Variants in PTPRO observed in about 807,000 individuals in gnomAD.
PTPRO encodes protein tyrosine phosphatase receptor type O.
In PTPRO, 62 loss-of-function variants were observed where a neutral mutation model predicts 145.2. The ratio of observed to expected loss-of-function variants is 0.43; its 90% CI spans 0.35 to 0.53. PTPRO has a LOEUF of 0.53. Ranked by LOEUF, PTPRO falls within the 20% of genes least tolerant of loss-of-function variation. The pLI, the probability that PTPRO is intolerant of heterozygous loss-of-function variation, is 0.01. For synonymous variants in PTPRO, 565 were observed against 514.7 expected, an observed-to-expected ratio of 1.10 and a Z score of -1.32; for missense variants, 1,345 against 1,482.7, an observed-to-expected ratio of 0.91 and a Z score of 1.53.
intron 12 of PTPRO, among the ~76,000 whole-genome samples, chr12:15,527,382 G>A (rs1040191242): frequency 1.3e-5 from 2 of 152,178 alleles, no homozygotes; most frequent in Non-Finnish European, 2.9e-5. Flanking sequence ...GGGCTCCCTG[G>A]CAGGAAATCT....
intron 12 of PTPRO, among the ~76,000 whole-genome samples, chr12:15,539,418 T>C (rs891387409): frequency 6.6e-6 from 1 of 152,176 alleles, no homozygotes; most frequent in Non-Finnish European, 1.5e-5. Flanking sequence ...TCAACCCATC[T>C]AGTGATTCAC....
chr12:15,412,838 G>A (rs1939836885), intron 1 of PTPRO, among the ~76,000 whole-genome samples: 1 of 152,110 alleles, frequency 6.6e-6, no homozygotes, highest in Non-Finnish European at 1.5e-5. Flanking sequence ...CTGTCTCCAA[G>A]GCTGGAGTGC....
intron 1 of PTPRO, among the ~76,000 whole-genome samples, chr12:15,403,180 A>G (rs1186545461): frequency 6.6e-6 from 1 of 152,124 alleles, no homozygotes; most frequent in African/African-American, 2.4e-5. Flanking sequence ...GCTTGTTGCC[A>G]CCTTGCCACA....
intron 1 of PTPRO, among the ~76,000 whole-genome samples, chr12:15,441,386 G>T (rs1940759846): frequency 6.6e-6 from 1 of 151,374 alleles, no homozygotes; most frequent in Non-Finnish European, 1.5e-5. Context: ...AGTGCTAAAT[G>T]CTTACCTCAA....
intron 16 of PTPRO, among the ~76,000 whole-genome samples, chr12:15,559,932 C>A (rs1943729100): frequency 6.6e-6 from 1 of 152,056 alleles, no homozygotes; most frequent in Non-Finnish European, 1.5e-5. Context: ...TGGTAGCAGA[C>A]TAATTAACAC....
At position 15,516,848 on chromosome 12, in the gene PTPRO, G is replaced by A; in HGVS notation, c.1671G>A (p.Val557=). Residue 557 remains valine (V), a synonymous_variant, in exon 9 of 27, where the codon GTG becomes GTA. Coordinates refer to ENST00000281171, the MANE Select transcript of PTPRO (RefSeq NM_030667.3). ...GCTGGACCAGACCTTATTTAGGCGT[G>A]TTCAGAAAATACGTGGTTGAAATGT... ...VLSWTRPYLG[V]FRKYVVEMFY... is the part of the protein sequence containing the mutation. 6.2e-7 allele frequency: 1 copy of A among 1,612,398 alleles called. No individual in the cohort carries two copies. Among genetic ancestry groups the A allele is most frequent in the Non-Finnish European group, 8.5e-7 (1 of 1,178,414 alleles).
chr12:15,595,289 C>T (rs1944637051), intron 26 of PTPRO: 10 of 498,706 alleles, frequency 2.0e-5, no homozygotes, highest in South Asian at 2.0e-4. Context: ...GGAGCTTCTG[C>T]ACATCATGAT....
intron 1 of PTPRO, among the ~76,000 whole-genome samples, chr12:15,384,777 A>G (rs977771626): frequency 6.6e-5 from 10 of 152,192 alleles, no homozygotes; most frequent in African/African-American, 2.2e-4. Context: ...AGTGGTTTAA[A>G]ACCTTTTTAT....
At chr12:15,572,615 G>A (rs918570342) in intron 19 of PTPRO, among the ~76,000 whole-genome samples, 1 of 151,156 alleles carries the variant, frequency 6.6e-6, no homozygotes, top group African/African-American at 2.4e-5. Flanking sequence ...ATTTTGTGAA[G>A]GGCTGAAAAT....
At chr12:15,421,072 T>G (rs890372383) in intron 1 of PTPRO, among the ~76,000 whole-genome samples, 1 of 152,234 alleles carries the variant, frequency 6.6e-6, no homozygotes, top group Non-Finnish European at 1.5e-5. Context: ...ATTTATCTAT[T>G]TCTCTTTGGT....
At chr12:15,346,903 T>C (rs1360895268) in intron 1 of PTPRO, among the ~76,000 whole-genome samples, 1 of 152,194 alleles carries the variant, frequency 6.6e-6, no homozygotes, top group African/African-American at 2.4e-5. Flanking sequence ...GTTAGTGTCA[T>C]CTCTTGTCAA....
At chr12:15,407,999 C>G (rs1260798455) in intron 1 of PTPRO, among the ~76,000 whole-genome samples, 1 of 152,218 alleles carries the variant, frequency 6.6e-6, no homozygotes, top group Non-Finnish European at 1.5e-5. Flanking sequence ...ATCCTAGACT[C>G]TAGCCCAAGA....
chr12:15,563,708 C>T (rs1943832126), intron 17 of PTPRO, among the ~76,000 whole-genome samples: 2 of 152,030 alleles, frequency 1.3e-5, no homozygotes, highest in South Asian at 2.1e-4. Context: ...ACGCAGCTGC[C>T]GAGTAGTAGC....
At chr12:15,512,353 G>C (rs1350886657) in intron 7 of PTPRO, among the ~76,000 whole-genome samples, 1 of 152,076 alleles carries the variant, frequency 6.6e-6, no homozygotes, top group African/African-American at 2.4e-5. Flanking sequence ...AACCTCAGGT[G>C]ATCTGCCCAC....
chr12:15,524,687 C>T lies in PTPRO; in HGVS notation c.1892-127C>T, dbSNP rs977499161. 1.1e-5 allele frequency: 11 copies of T among 1,006,750 alleles called. No homozygotes were observed. In the African/African-American group the frequency reaches 1.3e-4, roughly 12 times the overall value. 62.4% of individuals were successfully genotyped at this position (1,006,750 alleles called of 1,614,324 possible). A position where few individuals can be genotyped will look rare whatever the true frequency, so the allele number is the denominator to read the frequency against. On this transcript the variant is annotated intron_variant, in intron 10 of 26. Coordinates refer to ENST00000281171, the MANE Select transcript of PTPRO (RefSeq NM_030667.3). ...CTGTTATTGAGAGGTCCTGAAGTTA[C>T]CGGGACTATCGTGTGCTGTGAATTC...
intron 13 of PTPRO, among the ~76,000 whole-genome samples, 183 bp downstream of exon 13, chr12:15,546,891 T>A (rs978270052): frequency 1.3e-5 from 2 of 152,232 alleles, no homozygotes; most frequent in Non-Finnish European, 2.9e-5. Flanking sequence ...TTATGAGAAC[T>A]TTTATCTTTG....
intron 26 of PTPRO, 54 bp downstream of exon 26, chr12:15,595,111 G>A (rs931347847): frequency 7.0e-6 from 8 of 1,148,918 alleles, no homozygotes. Flanking sequence ...ATTAGAGGGG[G>A]ATGTGATGGA....
At chr12:15,416,184 C>T (rs1489364510) in intron 1 of PTPRO, among the ~76,000 whole-genome samples, 3 of 151,636 alleles carry the variant, frequency 2.0e-5, no homozygotes, top group African/African-American at 7.3e-5. Context: ...AGATTTAAGA[C>T]TTTGGAACCT....
Position 15,580,092 on chromosome 12 carries a change from T to G in PTPRO, c.2974T>G (p.Tyr992Asp). The change falls in exon 21 of 27, where the codon TAC becomes GAC. Residue 992 changes from tyrosine to aspartate, a missense_variant. Tyr to Asp is a radical substitution (Grantham distance 160). Around this residue, in one of 3 missense-constraint regions of PTPRO, gnomAD observed 1,130 missense variants for 1,214.7 expected, o/e 0.93. Transcript: ENST00000281171. The part of the protein sequence containing the change: ...VSMNEEEGAD[Y>D]INANYIPGYN... Reference sequence around the variant, plus strand: ...CATGAATGAAGAGGAAGGTGCAGACTACATCAATGCCAACTATATTCCTGT... The same window carrying G: ...CATGAATGAAGAGGAAGGTGCAGACGACATCAATGCCAACTATATTCCTGT... The G allele has an allele frequency of 6.2e-7, 1 of 1,612,758 alleles. No individual in the cohort carries two copies. Among genetic ancestry groups the G allele is most frequent in the Non-Finnish European group, 8.5e-7 (1 of 1,179,604 alleles).
Sources: allele counts gnomAD v4.1 joint callset (sites outside exome capture counted in the v4.1 genomes callset), GRCh38; gene constraint gnomAD v4.1.1; regional missense constraint gnomAD v4.1.1; transcripts MANE v1.5; gene names NCBI Gene and HGNC (gene_info 2026-07-23, HGNC 2026-07-21).